NWD1: variants seen among roughly 807,000 people sequenced by gnomAD.
NWD1 encodes the protein NACHT and WD repeat domain containing 1.
NWD1 carries 129 observed loss-of-function variants against 135.1 expected under a neutral mutation model. The ratio of observed to expected loss-of-function variants is 0.96; its 90% CI spans 0.83 to 1.11. The LOEUF is 1.11. NWD1 is among the 50% of genes least tolerant of loss of function. The probability of loss-of-function intolerance (pLI) is 0.00; values close to 1 mark genes in which losing one functional copy is unlikely to be tolerated. For synonymous variants in NWD1, 773 were observed against 786.0 expected, an observed-to-expected ratio of 0.98 and a Z score of 0.28; for missense variants, 1,740 against 1,851.3, an observed-to-expected ratio of 0.94 and a Z score of 1.10.
At chr19:16,737,638 G>A (rs1292300578) in intron 4 of NWD1, among the ~76,000 whole-genome samples, 2 of 151,076 alleles carry the variant, frequency 1.3e-5, no homozygotes, top group South Asian at 2.1e-4. Context: ...ATTACATCGA[G>A]TTCCAGATAC....
intron 5 of NWD1, among the ~76,000 whole-genome samples, chr19:16,747,648 C>T (rs2122790932): frequency 6.6e-6 from 1 of 152,266 alleles, no homozygotes; most frequent in Admixed American, 6.5e-5. Context: ...GCTGAGATTA[C>T]AGGCATGAAC....
At chr19:16,725,352 C>G (rs1013659151) in intron 2 of NWD1, among the ~76,000 whole-genome samples, 1 of 151,418 alleles carries the variant, frequency 6.6e-6, no homozygotes, top group African/African-American at 2.4e-5. Flanking sequence ...ATGGTGCACA[C>G]CTGTAGTCCC....
chr19:16,735,626 C>T (rs1206622127), intron 3 of NWD1, among the ~76,000 whole-genome samples: 4 of 148,734 alleles, frequency 2.7e-5, no homozygotes, highest in South Asian at 2.2e-4. Flanking sequence ...GTCAAGAGTT[C>T]GAGACCAGCC....
chr19:16,734,284 C>T (rs1026864168), intron 3 of NWD1, among the ~76,000 whole-genome samples: 7 of 152,270 alleles, frequency 4.6e-5, no homozygotes, highest in African/African-American at 1.7e-4. Flanking sequence ...CGAGGTGGCT[C>T]ATGCCTGTAA....
chr19:16,804,375 G>T (rs1225189292), intron 17 of NWD1, among the ~76,000 whole-genome samples: 1 of 152,036 alleles, frequency 6.6e-6, no homozygotes, highest in Non-Finnish European at 1.5e-5. Context: ...GAGGCCAGAA[G>T]TTCGAGACCA....
intron 12 of NWD1, among the ~76,000 whole-genome samples, chr19:16,781,649 C>A (rs1206479361): frequency 6.6e-6 from 1 of 151,636 alleles, no homozygotes; most frequent in Non-Finnish European, 1.5e-5. Flanking sequence ...TATTTGTTGA[C>A]CTGAGATCTT....
At chr19:16,741,193 C>A (rs893507490) in intron 4 of NWD1, among the ~76,000 whole-genome samples, 2 of 152,016 alleles carry the variant, frequency 1.3e-5, no homozygotes, top group Non-Finnish European at 2.9e-5. Context: ...ACAGCCTTAT[C>A]CCCCTTCGCT....
At chr19:16,782,445 G>A (rs1313433738) in intron 12 of NWD1, among the ~76,000 whole-genome samples, 1 of 151,866 alleles carries the variant, frequency 6.6e-6, no homozygotes, top group South Asian at 2.1e-4. Flanking sequence ...CATCCTGGGC[G>A]ACAGAGTGAG....
At chr19:16,805,723 C>A (rs561740152) in intron 17 of NWD1, among the ~76,000 whole-genome samples, 1 of 152,150 alleles carries the variant, frequency 6.6e-6, no homozygotes, top group African/African-American at 2.4e-5. Context: ...CCCTGCCAAC[C>A]CCCAGAGCTT....
rs528278448 is a variant in NWD1, at chr19:16,805,060, T to C, written c.3737-2526T>C. 2.9e-4 allele frequency among the ~76,000 whole-genome samples: 44 copies of C among 152,026 alleles called. No individual in the cohort carries two copies. The South Asian group carries it at 3.5e-3, about 12-fold the overall frequency. ...TTATTTTTATTTTATTTTATTTTTGTTGTTGTTCTTTTGTTTGAGATGGAG... is the reference window on the plus strand; with the variant it reads ...TTATTTTTATTTTATTTTATTTTTGCTGTTGTTCTTTTGTTTGAGATGGAG... On this transcript the variant is annotated intron_variant, in intron 17 of 18. Coordinates refer to ENST00000524140, the MANE Select transcript of NWD1 (RefSeq NM_001007525.5).
chr19:16,791,088 G>A (rs1482696020), intron 13 of NWD1, among the ~76,000 whole-genome samples: 1 of 151,980 alleles, frequency 6.6e-6, no homozygotes, highest in Non-Finnish European at 1.5e-5. Flanking sequence ...TTTAAAAATA[G>A]CCAGGCATGG....
chr19:16,737,456 T>C (rs1967869667), intron 4 of NWD1, among the ~76,000 whole-genome samples: 1 of 151,914 alleles, frequency 6.6e-6, no homozygotes, highest in Admixed American at 6.6e-5. Context: ...GGGGTCTCAC[T>C]ATGTTGCCCA....
chr19:16,741,367 TG>T (rs1272824060), intron 4 of NWD1, among the ~76,000 whole-genome samples: 28 of 123,494 alleles, frequency 2.3e-4, no homozygotes, highest in Non-Finnish European at 4.1e-4. Flanking sequence ...TTTGTTTTTG[TG>T]TTTTTTTTTT....
At chr19:16,759,577 T>C in intron 7 of NWD1, 149 bp downstream of exon 7, 1 of 656,698 alleles carries the variant, frequency 1.5e-6, no homozygotes, top group Admixed American at 2.6e-5. Context: ...AATTCACTTA[T>C]TTTTAAAATT....
intron 17 of NWD1, among the ~76,000 whole-genome samples, chr19:16,803,359 CA>C (rs544856503): frequency 5.8e-4 from 89 of 152,162 alleles, no homozygotes; most frequent in African/African-American, 1.8e-3. Flanking sequence ...CTCCTAATAC[CA>C]TCCTATGGGG....
chr19:16,776,516 G>A (rs1039794606), intron 11 of NWD1, among the ~76,000 whole-genome samples: 15 of 151,480 alleles, frequency 9.9e-5, no homozygotes, highest in Non-Finnish European at 1.3e-4. Flanking sequence ...TGCAGTGAGC[G>A]GAGATCGTTC....
At chr19:16,802,068 G>A (rs1970618029) in intron 17 of NWD1, among the ~76,000 whole-genome samples, 1 of 151,880 alleles carries the variant, frequency 6.6e-6, no homozygotes, top group Non-Finnish European at 1.5e-5. Context: ...GGTGGATCAC[G>A]AGGTCAGGAG....
At chr19:16,750,486 G>A in intron 6 of NWD1, 75 bp downstream of exon 6, 1 of 1,192,292 alleles carries the variant, frequency 8.4e-7, no homozygotes, top group Non-Finnish European at 1.1e-6. Context: ...TGGAGGTCTG[G>A]CTATGTCACC....
chr19:16,798,824 G>T (rs1270685295), intron 16 of NWD1, among the ~76,000 whole-genome samples: 1 of 151,782 alleles, frequency 6.6e-6, no homozygotes, highest in African/African-American at 2.4e-5. Context: ...ACGGGGTTCC[G>T]CCATGTTGGC....
Sources: allele counts gnomAD v4.1 joint callset (sites outside exome capture counted in the v4.1 genomes callset), GRCh38; gene constraint gnomAD v4.1.1; transcripts MANE v1.5; gene names NCBI Gene and HGNC (gene_info 2026-07-23, HGNC 2026-07-21).